Variants in CCDC60 observed in about 807,000 individuals in gnomAD.
CCDC60 encodes the protein coiled-coil domain-containing protein 60.
A neutral mutation model predicts 63.5 loss-of-function variants in CCDC60; 54 were observed. That is an observed-to-expected ratio of 0.85 (90% CI 0.68 to 1.07). The LOEUF is 1.07. CCDC60 is among the 50% of genes least tolerant of loss of function. CCDC60 has a pLI of 0.00. For missense variants in CCDC60, 651 were observed against 684.3 expected (o/e 0.95, Z 0.54); for synonymous variants, 206 against 238.8 (o/e 0.86, Z 1.27).
Position 119,456,048 on chromosome 12 carries a change from AAAGAAAGAAAGAAAGC to A in CCDC60, c.171-15942_171-15927del, listed in dbSNP as rs1177811334. Among the ~76,000 whole-genome samples the A allele has an allele frequency of 1.3e-3, 158 of 120,632 alleles. 5 individuals are homozygous for A. The highest frequency in any genetic ancestry group is 2.9e-3 in the African/African-American group (109 of 37,080). The allele number at this position is 120,632 out of a possible 152,430, so 79.1% of individuals were successfully genotyped here. A position where few individuals can be genotyped will look rare whatever the true frequency, so the allele number is the denominator to read the frequency against. On this transcript the variant is annotated intron_variant, in intron 2 of 13. Coordinates refer to ENST00000327554, the MANE Select transcript of CCDC60 (RefSeq NM_178499.5). This position sits in a 1 kb window ranked among gnomAD's most constrained non-coding sequence, Gnocchi z 4.6. ...GAAAGAAAGAAAGAAAGAAAGAAAGAAAGAAAGAAAGAAAGCAAGCAAGCATGTGCAATTTCAAGGG... is the reference window on the plus strand; with the variant it reads ...GAAAGAAAGAAAGAAAGAAAGAAAGAAAGCAAGCATGTGCAATTTCAAGGG...
chr12:119,391,655 G>A (rs955562513), intron 1 of CCDC60, among the ~76,000 whole-genome samples: 30 of 152,210 alleles, frequency 2.0e-4, no homozygotes, highest in African/African-American at 5.3e-4. Context: ...GTGATGCTGC[G>A]GTGTCTGGCA....
At chr12:119,343,526 C>G (rs1414221510) in intron 1 of CCDC60, among the ~76,000 whole-genome samples, 1 of 152,014 alleles carries the variant, frequency 6.6e-6, no homozygotes, top group African/African-American at 2.4e-5. Context: ...TACCATGTGA[C>G]AGATGTTTTG....
At chr12:119,364,594 AG>A (rs79526688) in intron 1 of CCDC60, among the ~76,000 whole-genome samples, 25,896 of 152,110 alleles carry the variant, frequency 0.17, 2,519 homozygotes, top group South Asian at 0.35. Context: ...AATATAACAG[AG>A]TTTATCCATT....
chr12:119,362,153 T>G (rs543779530), intron 1 of CCDC60, among the ~76,000 whole-genome samples: 10 of 152,222 alleles, frequency 6.6e-5, no homozygotes, highest in Non-Finnish European at 1.5e-4. Context: ...TACCTACTTG[T>G]ATGTATTTAT....
chr12:119,479,199 C>A lies in CCDC60; in HGVS notation c.447C>A (p.His149Gln), dbSNP rs757762228. The change falls in exon 4 of 14, where the codon CAC becomes CAA. Residue 149 changes from histidine (H) to glutamine (Q), a missense_variant and splice_region_variant. By Grantham distance (24) the His-to-Gln change is conservative. Transcript: ENST00000327554. ...CIISPSLTEA[H>Q]VEPLFRQLCA... Reference sequence around the variant, plus strand: ...TTTCTCCCTCGCTAACCGAGGCTCACGTGTAAGTAGTCTCACCTCCAGCTC... The same window carrying A: ...TTTCTCCCTCGCTAACCGAGGCTCAAGTGTAAGTAGTCTCACCTCCAGCTC... 4 of 1,609,508 alleles carry A rather than the reference C, an allele frequency of 2.5e-6. No individual in the cohort carries two copies. The highest frequency in any genetic ancestry group is 1.3e-5 in the African/African-American group (1 of 74,954).
intron 1 of CCDC60, among the ~76,000 whole-genome samples, chr12:119,381,415 A>G (rs1441407168): frequency 6.6e-6 from 1 of 152,160 alleles, no homozygotes; most frequent in Non-Finnish European, 1.5e-5. Context: ...TGTTCTCCCT[A>G]TACAAGAGGA....
At chr12:119,404,836 G>T (rs1956457562) in intron 1 of CCDC60, among the ~76,000 whole-genome samples, 1 of 152,108 alleles carries the variant, frequency 6.6e-6, no homozygotes, top group Admixed American at 6.5e-5. Flanking sequence ...CTCCCCAAAG[G>T]CACATGGAGA....
chr12:119,537,419 G>A (rs369892414), intron 13 of CCDC60, among the ~76,000 whole-genome samples: 1 of 152,312 alleles, frequency 6.6e-6, no homozygotes, highest in African/African-American at 2.4e-5. Context: ...CTGTCAGCTC[G>A]TCAAAGTCAT....
chr12:119,420,122 C>T lies in CCDC60; in HGVS notation c.91-8561C>T, dbSNP rs1231490847. ...CGAACTCCTGACCTCGTGATCCACC[C>T]GCCTCGGCCTCCCAAAGTGCTGAGA... On this transcript the variant is annotated intron_variant, in intron 1 of 13. Coordinates refer to ENST00000327554, the MANE Select transcript of CCDC60 (RefSeq NM_178499.5). The surrounding 1 kb of genome is among the most constrained non-coding windows in gnomAD (Gnocchi z 4.1). 9.2e-5 allele frequency among the ~76,000 whole-genome samples: 14 copies of T among 152,116 alleles called. No individual in the cohort carries two copies. Among genetic ancestry groups the T allele is most frequent in the South Asian group, 4.2e-4 (2 of 4,812 alleles).
chr12:119,373,662 T>A (rs1365083849), intron 1 of CCDC60, among the ~76,000 whole-genome samples: 1 of 74,082 alleles, frequency 1.3e-5, no homozygotes, highest in Non-Finnish European at 2.6e-5. Context: ...CTCTCCGGGG[T>A]GGGGTGGGGG....
intron 1 of CCDC60, among the ~76,000 whole-genome samples, chr12:119,342,930 C>G (rs1417360344): frequency 1.3e-5 from 2 of 152,204 alleles, no homozygotes; most frequent in Admixed American, 1.3e-4. Context: ...TGGAAAGAAA[C>G]TTATTCTTGA....
chr12:119,472,529 G>C (rs1951084522), intron 3 of CCDC60, among the ~76,000 whole-genome samples: 1 of 151,370 alleles, frequency 6.6e-6, no homozygotes, highest in Admixed American at 6.6e-5. Flanking sequence ...GGCAGCCCCA[G>C]GGCCTGGCTC....
intron 1 of CCDC60, among the ~76,000 whole-genome samples, chr12:119,425,268 A>G (rs954017377): frequency 1.3e-5 from 2 of 152,200 alleles, no homozygotes; most frequent in Non-Finnish European, 2.9e-5. Context: ...AGGTTCTCCA[A>G]AATAAGTGGG....
intron 10 of CCDC60, 23 bp downstream of exon 10, chr12:119,523,024 G>A: frequency 6.2e-7 from 1 of 1,608,358 alleles, no homozygotes; most frequent in Non-Finnish European, 8.5e-7. Flanking sequence ...GGCAATGGAA[G>A]GAACCACGCA....
At chr12:119,507,632 T>G (rs1952090868) in intron 7 of CCDC60, among the ~76,000 whole-genome samples, 1 of 125,090 alleles carries the variant, frequency 8.0e-6, no homozygotes, top group Non-Finnish European at 1.6e-5. Flanking sequence ...TTTTTTTTTC[T>G]AGAAACAGGG....
chr12:119,503,927 C>A (rs1314898321), intron 6 of CCDC60, among the ~76,000 whole-genome samples: 1 of 152,178 alleles, frequency 6.6e-6, no homozygotes. Context: ...ACCAGTCTAT[C>A]CATCAAGAGC....
intron 1 of CCDC60, among the ~76,000 whole-genome samples, chr12:119,404,914 C>T (rs1377595081): frequency 1.3e-5 from 2 of 152,200 alleles, no homozygotes; most frequent in Non-Finnish European, 2.9e-5. Flanking sequence ...TGCTCCCTCA[C>T]CTACCTTTGA....
intron 3 of CCDC60, 87 bp from the exon 4 acceptor site, chr12:119,479,007 T>C (rs904255198): frequency 2.2e-6 from 2 of 892,612 alleles, no homozygotes; most frequent in Non-Finnish European, 3.7e-6. Flanking sequence ...TCCAGTCATA[T>C]CTGCCGAATA....
chr12:119,335,554 G>T (rs1241458619), intron 1 of CCDC60, among the ~76,000 whole-genome samples: 1 of 150,728 alleles, frequency 6.6e-6, no homozygotes, highest in Non-Finnish European at 1.5e-5. Flanking sequence ...GGCCAGTGAT[G>T]ATGAGCATTT....
Sources: allele counts gnomAD v4.1 joint callset (sites outside exome capture counted in the v4.1 genomes callset), GRCh38; gene constraint gnomAD v4.1.1; non-coding constraint Gnocchi (gnomAD v3.1); transcripts MANE v1.5; gene names NCBI Gene and HGNC (gene_info 2026-07-23, HGNC 2026-07-21).